The following A2M variants were observed in gnomAD, a reference collection of about 807,000 sequenced individuals.
A2M encodes the protein alpha-2-macroglobulin, also known as C3 and PZP-like alpha-2-macroglobulin domain-containing protein 5.
A neutral mutation model predicts 183.9 loss-of-function variants in A2M; 128 were observed. That is an observed-to-expected ratio of 0.70 (90% CI 0.60 to 0.81). The LOEUF is 0.81. A2M is among the 30% of genes least tolerant of loss of function. A2M has a pLI of 0.00. For missense variants in A2M, 1,495 were observed against 1,787.6 expected (o/e 0.84, Z 2.95); for synonymous variants, 592 against 670.8 (o/e 0.88, Z 1.81).
In A2M at chr12:9,101,675, C is replaced by G; in HGVS notation, c.1267-1G>C. 1 of 1,601,666 alleles carries G rather than the reference C, an allele frequency of 6.2e-7. No individual in the cohort carries two copies. Among genetic ancestry groups the G allele is most frequent in the Non-Finnish European group, 8.5e-7 (1 of 1,171,340 alleles). On this transcript the variant is annotated splice_acceptor_variant, in intron 11 of 35. Coordinates refer to ENST00000318602, the MANE Select transcript of A2M (RefSeq NM_000014.6). LOFTEE classifies it high-confidence loss of function. ...AGGGACTACGATCCTTGTAATTGAC[C>G]TAATGAATTAGAAAAATTATATTAT...
intron 25 of A2M, among the ~76,000 whole-genome samples, chr12:9,078,083 T>C (rs1948800244): frequency 6.6e-6 from 1 of 152,182 alleles, no homozygotes; most frequent in African/African-American, 2.4e-5. Flanking sequence ...TTTAATTTTA[T>C]TTTAGTTCCG....
chr12:9,104,234 C>T lies in A2M; in HGVS notation c.1266+5G>A, dbSNP rs1415949812. 6.2e-7 allele frequency: 1 copy of T among 1,605,596 alleles called. No individual in the cohort carries two copies. Among genetic ancestry groups the T allele is most frequent in the South Asian group, 1.1e-5 (1 of 88,474 alleles). On this transcript the variant is annotated splice_donor_5th_base_variant and intron_variant, in intron 11 of 35. Transcript: ENST00000318602. ...ATGTCATTGGTAATTTCTTTCCAAA[C>T]TTACCCTAACAGTAAGAGAGGTACC...
intron 11 of A2M, among the ~76,000 whole-genome samples, chr12:9,103,621 C>T (rs1046355552): frequency 6.6e-6 from 1 of 152,166 alleles, no homozygotes; most frequent in Admixed American, 6.5e-5. Context: ...GTTTCTATGA[C>T]TTTGACTACT....
At chr12:9,098,875 G>T in intron 14 of A2M, 119 bp from the exon 15 acceptor site, 1 of 1,147,834 alleles carries the variant, frequency 8.7e-7, no homozygotes, top group South Asian at 1.6e-5. Flanking sequence ...ACTTCGTGGA[G>T]GGTTGGCATT....
chr12:9,076,661 G>A (rs1948755520), intron 28 of A2M, 95 bp downstream of exon 28: 1 of 1,124,004 alleles, frequency 8.9e-7, no homozygotes, highest in Non-Finnish European at 1.3e-6. Context: ...GAAGAGAGGA[G>A]ACAGGGATCA....
Position 9,076,809 on chromosome 12 carries a change from T to C in A2M, c.3479A>G (p.Gln1160Arg). Residue 1160 changes from glutamine (Q) to arginine (R), a missense_variant, in exon 28 of 36, where the codon CAG becomes CGG. By Grantham distance (43) the Gln-to-Arg change is conservative (BLOSUM62 1). Transcript: ENST00000318602. ...CTTGAGTACTTCCTTCCTCTTGTCC[T>C]GGTTACCTGCCAGGGCAAAAGCATA... ...LAYAFALAGN[Q>R]DKRKEVLKSL... is the part of the protein sequence containing the mutation. 1 of 1,614,010 alleles carries C rather than the reference T, an allele frequency of 6.2e-7. No homozygotes were observed. The highest frequency in any genetic ancestry group is 8.5e-7 in the Non-Finnish European group (1 of 1,179,958).
At chr12:9,097,252 C>T (rs1358431359) in intron 15 of A2M, among the ~76,000 whole-genome samples, 1 of 151,768 alleles carries the variant, frequency 6.6e-6, no homozygotes, top group Admixed American at 6.6e-5. Context: ...AGTTAAAATC[C>T]CATTAGAAGG....
chr12:9,088,732 T>C (rs979176947), intron 22 of A2M, among the ~76,000 whole-genome samples: 1 of 152,156 alleles, frequency 6.6e-6, no homozygotes, highest in African/African-American at 2.4e-5. Context: ...GGGATAGGCA[T>C]CAAACAGATA....
intron 10 of A2M, among the ~76,000 whole-genome samples, chr12:9,105,760 A>C (rs1239314875): frequency 6.6e-6 from 1 of 152,220 alleles, no homozygotes; most frequent in Non-Finnish European, 1.5e-5. Context: ...TAAATATACT[A>C]TCCATGAAAT....
intron 16 of A2M, 66 bp downstream of exon 16, chr12:9,095,473 A>T (rs1949344800): frequency 6.8e-7 from 1 of 1,476,646 alleles, no homozygotes; most frequent in Non-Finnish European, 9.3e-7. Context: ...TCAAATACAG[A>T]CTCTTTTCCA....
intron 1 of A2M, among the ~76,000 whole-genome samples, chr12:9,114,501 A>G (rs1333441020): frequency 1.3e-5 from 2 of 152,128 alleles, no homozygotes; most frequent in Non-Finnish European, 2.9e-5. Flanking sequence ...TACTATCACT[A>G]TTTAAAAGTA....
At position 9,096,573 on chromosome 12, in the gene A2M, G is replaced by A. The variant is rs147358461; in HGVS notation, c.1852-873C>T. ...TCATATAATACATACAACTTTAACC[G>A]TAAAATTCTAGGCATGATGCTTTCA... On this transcript the variant is annotated intron_variant, in intron 15 of 35. Coordinates refer to ENST00000318602, the MANE Select transcript of A2M (RefSeq NM_000014.6). Among the ~76,000 whole-genome samples the A allele has an allele frequency of 5.3e-5, 8 of 152,250 alleles. No individual in the cohort carries two copies. In the South Asian group the frequency reaches 6.2e-4, roughly 12 times the overall value.
Position 9,072,885 on chromosome 12 carries a change from A to AC in A2M, c.3757-15_3757-14insG. 6.2e-7 allele frequency: 1 copy of AC among 1,607,342 alleles called. No homozygotes were observed. The highest frequency in any genetic ancestry group is 8.5e-7 in the Non-Finnish European group (1 of 1,174,944). ...CACCACTGTGTCCTGTTAGAGACAG[A>AC]TGAGTGAGAGAACCCATTGGGCATT... On this transcript the variant is annotated splice_polypyrimidine_tract_variant and intron_variant, in intron 29 of 35. Transcript: ENST00000318602.
In A2M at chr12:9,072,420, G is replaced by A; in HGVS notation, c.4042C>T (p.Leu1348=). Residue 1348 remains leucine, a synonymous_variant, in exon 31 of 36, where the codon CTG becomes TTG. Coordinates refer to ENST00000318602, the MANE Select transcript of A2M (RefSeq NM_000014.6). ...TTGGGTTCATCACAAGTTTGAGGCA[G>A]AGTCTGCACTCCTAAAGCAAAGGGG... ...EFPFALGVQT[L]PQTCDEPKAH... is the part of the protein sequence containing the mutation. 2 of 1,613,884 alleles carry A rather than the reference G, an allele frequency of 1.2e-6. No individual in the cohort carries two copies. The highest frequency in any genetic ancestry group is 1.7e-6 in the Non-Finnish European group (2 of 1,179,852).
At chr12:9,077,967 A>G in intron 25 of A2M, 110 bp from the exon 26 acceptor site, 3 of 1,277,360 alleles carry the variant, frequency 2.3e-6, no homozygotes, top group Non-Finnish European at 3.3e-6. Flanking sequence ...ATTCTTGTGT[A>G]CTTAGAGAGC....
Position 9,070,286 on chromosome 12 carries a change from T to C in A2M, c.4194+202A>G, listed in dbSNP as rs370290466. Among the ~76,000 whole-genome samples the C allele has an allele frequency of 2.0e-5, 3 of 152,364 alleles. No individual in the cohort carries two copies. The South Asian group carries it at 6.2e-4, about 32-fold the overall frequency. On this transcript the variant is annotated intron_variant, in intron 32 of 35. Coordinates refer to ENST00000318602, the MANE Select transcript of A2M (RefSeq NM_000014.6). Reference sequence around the variant, plus strand: ...CAGGAACCTGCTGACAATCTTTTTCTTGTAGTCATGGGTCCTAGCACAGTG... The same window carrying C: ...CAGGAACCTGCTGACAATCTTTTTCCTGTAGTCATGGGTCCTAGCACAGTG...
intron 28 of A2M, among the ~76,000 whole-genome samples, chr12:9,075,298 C>T (rs1363755439): frequency 6.6e-6 from 1 of 152,160 alleles, no homozygotes; most frequent in Non-Finnish European, 1.5e-5. Context: ...AAGCCAACTG[C>T]TCTTTGGCAA....
intron 15 of A2M, among the ~76,000 whole-genome samples, chr12:9,097,812 T>C (rs189404730): frequency 1.4e-4 from 21 of 152,266 alleles, no homozygotes; most frequent in African/African-American, 4.6e-4. Flanking sequence ...TTTGTATTTT[T>C]AGTAGATACG....
chr12:9,098,456 T>G lies in A2M; in HGVS notation c.1851+151A>C, dbSNP rs141245816. The G allele has an allele frequency of 9.9e-4, 592 of 599,252 alleles. 4 individuals are homozygous for G. In the African/African-American group the frequency reaches 0.01, roughly 10 times the overall value. The allele number at this position is 599,252 out of a possible 1,614,324, so 37.1% of individuals were successfully genotyped here. ...TATATATATATATATATATAATTCC[T>G]TACCAATGAAAGCCCACAAGAGAGC... On this transcript the variant is annotated intron_variant, in intron 15 of 35. Coordinates refer to ENST00000318602, the MANE Select transcript of A2M (RefSeq NM_000014.6).
Sources: allele counts gnomAD v4.1 joint callset (sites outside exome capture counted in the v4.1 genomes callset), GRCh38; gene constraint gnomAD v4.1.1; transcripts MANE v1.5; gene names NCBI Gene and HGNC (gene_info 2026-07-23, HGNC 2026-07-21).